BARD1: variants seen among roughly 807,000 people sequenced by gnomAD.
BARD1 encodes BRCA1 associated RING domain 1.
Under a neutral mutation model 77.0 loss-of-function variants are expected in BARD1, and 73 were observed. The observed-to-expected ratio is 0.95, with a 90% confidence interval of 0.79 to 1.15. The LOEUF (loss-of-function observed/expected upper bound fraction) is 1.15, where lower values mean the gene tolerates loss of function less well. Among genes scored for constraint, BARD1 ranks in the 50% most tolerant of loss-of-function variants. BARD1 has a pLI of 0.00. For synonymous variants in BARD1, 384 were observed against 338.0 expected, an observed-to-expected ratio of 1.14 and a Z score of -1.49; for missense variants, 993 against 938.8, an observed-to-expected ratio of 1.06 and a Z score of -0.75.
intron 9 of BARD1, among the ~76,000 whole-genome samples, chr2:214,744,176 C>A (rs1455817141): frequency 2.6e-5 from 4 of 152,034 alleles, no homozygotes; most frequent in Non-Finnish European, 5.9e-5. Flanking sequence ...TGAGTGACAG[C>A]AGGGAAGGTG....
At chr2:214,795,911 C>G (rs991577626) in intron 2 of BARD1, among the ~76,000 whole-genome samples, 8 of 152,076 alleles carry the variant, frequency 5.3e-5, no homozygotes, top group East Asian at 1.9e-4. Context: ...TCTCCTACCC[C>G]CCATCCTCCT....
chr2:214,809,391 C>T (rs1400005486), intron 1 of BARD1, 21 bp downstream of exon 1: 2 of 1,612,154 alleles, frequency 1.2e-6, no homozygotes, highest in Non-Finnish European at 1.7e-6. Flanking sequence ...CGCAGCCACC[C>T]CCAAGAAGCT....
intron 3 of BARD1, among the ~76,000 whole-genome samples, chr2:214,785,713 C>G (rs555339399): frequency 1.4e-5 from 2 of 147,022 alleles, no homozygotes; most frequent in South Asian, 4.3e-4. Flanking sequence ...ATTTCAGGCC[C>G]AGAAAAAAAA....
Position 214,746,016 on chromosome 2 carries a change from A to T in BARD1, c.1678-162T>A, listed in dbSNP as rs1838803. On this transcript the variant is annotated intron_variant, in intron 7 of 10. Coordinates refer to ENST00000260947, the MANE Select transcript of BARD1 (RefSeq NM_000465.4). Reference sequence around the variant, plus strand: ...TCTACACCCAGAACCTTTTAAATAAATTTTTTCTCTTTATTTTTCCCTCAA... The same window carrying T: ...TCTACACCCAGAACCTTTTAAATAATTTTTTTCTCTTTATTTTTCCCTCAA... 0.98 allele frequency among the ~76,000 whole-genome samples: 149,032 copies of T among 152,294 alleles called. 72,947 individuals carry two copies. The highest frequency in any genetic ancestry group is 0.99 in the Middle Eastern group (292 of 294).
chr2:214,792,121 G>C (rs990833002), intron 3 of BARD1, among the ~76,000 whole-genome samples, 176 bp downstream of exon 3: 5 of 147,984 alleles, frequency 3.4e-5, no homozygotes, highest in Non-Finnish European at 7.4e-5. Context: ...AGTCCGGCTT[G>C]GACAACATAG....
chr2:214,792,242 A>T, intron 3 of BARD1, 55 bp downstream of exon 3: 2 of 1,526,028 alleles, frequency 1.3e-6, no homozygotes, highest in Non-Finnish European at 1.8e-6. Flanking sequence ...ATGAATATGA[A>T]TTCATCAGTT....
intron 7 of BARD1, among the ~76,000 whole-genome samples, chr2:214,746,886 A>G (rs934289522): frequency 2.0e-4 from 30 of 152,168 alleles, no homozygotes; most frequent in African/African-American, 7.2e-4. Context: ...GCTTCTGCAC[A>G]GCAAAAGAAA....
chr2:214,732,701 T>C (rs536639001), intron 9 of BARD1, among the ~76,000 whole-genome samples: 2 of 152,306 alleles, frequency 1.3e-5, no homozygotes, highest in African/African-American at 2.4e-5. Context: ...TGCTGACCTA[T>C]AATGATTATC....
intron 3 of BARD1, among the ~76,000 whole-genome samples, chr2:214,790,698 T>C (rs1695474019): frequency 6.6e-6 from 1 of 152,168 alleles, no homozygotes; most frequent in Admixed American, 6.6e-5. Flanking sequence ...AATATCATCA[T>C]AGCCACAAAT....
intron 6 of BARD1, among the ~76,000 whole-genome samples, chr2:214,759,939 C>T (rs1258262941): frequency 6.6e-6 from 1 of 152,136 alleles, no homozygotes; most frequent in African/African-American, 2.4e-5. Flanking sequence ...TTTCCCTCCA[C>T]CAATATTCAA....
Position 214,780,536 on chromosome 2 carries a change from G to A in BARD1, c.1314+24C>T, listed in dbSNP as rs1246620810. On this transcript the variant is annotated intron_variant, in intron 4 of 10. Coordinates refer to ENST00000260947, the MANE Select transcript of BARD1 (RefSeq NM_000465.4). The stretch of plus-strand genomic sequence containing the variant: ...TTTATAGTTGGCCTCATTCTGAGAT[G>A]GTATTTCAGAGTAAGCATCCTACCT... The A allele has an allele frequency of 3.2e-6, 5 of 1,586,872 alleles. No individual in the cohort carries two copies. In the African/African-American group the frequency reaches 4.0e-5, roughly 13 times the overall value.
At chr2:214,803,594 CGT>C (rs1482884099) in intron 1 of BARD1, among the ~76,000 whole-genome samples, 2 of 152,166 alleles carry the variant, frequency 1.3e-5, no homozygotes, top group African/African-American at 4.8e-5. Context: ...CCTTTGTTCA[CGT>C]GTTTGTCTGC....
chr2:214,758,859 A>T (rs1264229270), intron 6 of BARD1, among the ~76,000 whole-genome samples: 2 of 152,210 alleles, frequency 1.3e-5, no homozygotes, highest in African/African-American at 2.4e-5. Flanking sequence ...CTAATAAAAG[A>T]GAGAAAGGAG....
chr2:214,744,792 G>A (rs543605587), intron 9 of BARD1, among the ~76,000 whole-genome samples: 208 of 151,936 alleles, frequency 1.4e-3, no homozygotes, highest in Non-Finnish European at 2.5e-3. Flanking sequence ...CACCACGCCC[G>A]GCTAATTTTT....
chr2:214,784,178 A>C (rs958422080), intron 3 of BARD1, among the ~76,000 whole-genome samples: 1 of 152,230 alleles, frequency 6.6e-6, no homozygotes, highest in Non-Finnish European at 1.5e-5. Flanking sequence ...GAACTTAAAC[A>C]AATTTACAAG....
In BARD1 at chr2:214,797,000, CAT is replaced by C. The variant is rs67240037; in HGVS notation, c.215+59_215+60del. 0.02 allele frequency: 26,233 copies of C among 1,282,238 alleles called. 350 individuals carry two copies. The highest frequency in any genetic ancestry group is 0.025 in the Middle Eastern group (134 of 5,276). The allele number at this position is 1,282,238 out of a possible 1,614,324, so 79.4% of individuals were successfully genotyped here. ...AGTACCATTATTATCAACAAGATTA[CAT>C]GATTGTTATCTAGTAAAAAATACAG... On this transcript the variant is annotated intron_variant, in intron 2 of 10. Transcript: ENST00000260947.
At chr2:214,750,410 A>G (rs1256172860) in intron 7 of BARD1, among the ~76,000 whole-genome samples, 1 of 152,136 alleles carries the variant, frequency 6.6e-6, no homozygotes, top group African/African-American at 2.4e-5. Flanking sequence ...CTTTACCCTG[A>G]ATCCCTCTTA....
At chr2:214,737,593 C>T (rs926445131) in intron 9 of BARD1, among the ~76,000 whole-genome samples, 2 of 152,064 alleles carry the variant, frequency 1.3e-5, no homozygotes, top group Non-Finnish European at 2.9e-5. Flanking sequence ...CCTACTGAAC[C>T]TTTTTTTAAG....
At chr2:214,787,966 C>T (rs886833544) in intron 3 of BARD1, among the ~76,000 whole-genome samples, 1 of 151,914 alleles carries the variant, frequency 6.6e-6, no homozygotes, top group Non-Finnish European at 1.5e-5. Flanking sequence ...GCAACATTAA[C>T]GCCTTCACTG....
Sources: allele counts gnomAD v4.1 joint callset (sites outside exome capture counted in the v4.1 genomes callset), GRCh38; gene constraint gnomAD v4.1.1; transcripts MANE v1.5; gene names NCBI Gene and HGNC (gene_info 2026-07-23, HGNC 2026-07-21).